CASS4: variants seen among roughly 807,000 people sequenced by gnomAD.
CASS4 encodes the protein Cas scaffold protein family member 4, also known as cas scaffolding protein family member 4.
In CASS4, 22 loss-of-function variants were observed where a neutral mutation model predicts 54.2. The observed-to-expected ratio is 0.41, with a 90% confidence interval of 0.29 to 0.58. The LOEUF (loss-of-function observed/expected upper bound fraction) is 0.58, where lower values mean the gene tolerates loss of function less well. CASS4 is among the 20% of genes least tolerant of loss of function. The pLI is 0.36. For synonymous variants in CASS4, 409 were observed against 391.5 expected (o/e 1.04, Z -0.53); for missense variants, 854 against 986.7 (o/e 0.87, Z 1.80).
chr20:56,447,122 C>A (rs1980753899), intron 3 of CASS4, among the ~76,000 whole-genome samples: 1 of 151,108 alleles, frequency 6.6e-6, no homozygotes, highest in East Asian at 1.9e-4. Flanking sequence ...GTGGGAGAAT[C>A]ACTTGAACCT....
In CASS4 at chr20:56,452,356, G is replaced by A; in HGVS notation, c.1180G>A (p.Glu394Lys). 6.2e-7 allele frequency: 1 copy of A among 1,613,972 alleles called. No individual in the cohort carries two copies. The highest frequency in any genetic ancestry group is 8.5e-7 in the Non-Finnish European group (1 of 1,180,048). The change falls in exon 5 of 6, where the codon GAA (glutamate) becomes AAA (lysine). Residue 394 changes from glutamate (E) to lysine (K), a missense_variant. Glu to Lys is a moderately conservative substitution (Grantham distance 56, BLOSUM62 1). Coordinates refer to ENST00000679887, the MANE Select transcript of CASS4 (RefSeq NM_020356.4). The part of the protein sequence containing the change: ...FSRRTTSPSP[E>K]PDRLSGSSSD... ...CAGACGGACAACTTCCCCATCTCCT[G>A]AACCGGACAGATTATCAGGTTCCAG...
intron 1 of CASS4, among the ~76,000 whole-genome samples, chr20:56,424,617 T>A (rs1979553970): frequency 6.6e-6 from 1 of 151,874 alleles, no homozygotes; most frequent in Non-Finnish European, 1.5e-5. Context: ...GGCATGCACC[T>A]GTAGTCCCAG....
chr20:56,412,745 C>A lies in CASS4; in HGVS notation c.36+251C>A, dbSNP rs1978941367. On this transcript the variant is annotated intron_variant, in intron 1 of 5. Transcript: ENST00000679887. The surrounding 1 kb of genome is among the most constrained non-coding windows in gnomAD (Gnocchi z 4.2). The stretch of plus-strand genomic sequence containing the variant: ...AATCAGCTTACTTGGTTGACAGCGC[C>A]GTCCATCATTTTGCGTCCAGCAAAC... 6.6e-6 allele frequency among the ~76,000 whole-genome samples: 1 copy of A among 152,176 alleles called. No individual in the cohort carries two copies. Among genetic ancestry groups the A allele is most frequent in the Non-Finnish European group, 1.5e-5 (1 of 68,022 alleles).
intron 2 of CASS4, among the ~76,000 whole-genome samples, chr20:56,441,755 AACACCCTT>A (rs1163719387): frequency 2.0e-5 from 3 of 152,168 alleles, no homozygotes; most frequent in African/African-American, 7.2e-5. Context: ...GGGACCTCCC[AACACCCTT>A]TGTGTTTCTC....
intron 1 of CASS4, among the ~76,000 whole-genome samples, chr20:56,436,368 A>ATATG (rs1980165006): frequency 5.5e-5 from 8 of 145,484 alleles, no homozygotes; most frequent in African/African-American, 2.1e-4. Flanking sequence ...GTGTATATAT[A>ATATG]TATATGTATA....
At chr20:56,447,280 A>C (rs1980764437) in intron 3 of CASS4, among the ~76,000 whole-genome samples, 1 of 152,190 alleles carries the variant, frequency 6.6e-6, no homozygotes, top group African/African-American at 2.4e-5. Flanking sequence ...TCAGTTGAGA[A>C]ATTTAATTGT....
At chr20:56,439,487 A>G (rs1980356000) in intron 2 of CASS4, among the ~76,000 whole-genome samples, 1 of 151,812 alleles carries the variant, frequency 6.6e-6, no homozygotes, top group Admixed American at 6.5e-5. Context: ...CCTGGGCAAC[A>G]TAGTGAGACC....
intron 1 of CASS4, among the ~76,000 whole-genome samples, chr20:56,432,134 GGT>G (rs148885958): frequency 0.025 from 3,870 of 152,204 alleles, 165 homozygotes; most frequent in African/African-American, 0.088. Context: ...GGGCTAGGTA[GGT>G]ATAGGCAATT....
intron 2 of CASS4, among the ~76,000 whole-genome samples, chr20:56,442,887 A>G (rs1389583663): frequency 6.6e-6 from 1 of 151,816 alleles, no homozygotes; most frequent in East Asian, 1.9e-4. Flanking sequence ...GTTTTCCAAG[A>G]AGCACTGGGC....
Position 56,452,676 on chromosome 20 carries a change from C to T in CASS4, c.1500C>T (p.Val500=). The change falls in exon 5 of 6, where the codon GTC becomes GTT. Residue 500 remains valine (V), a synonymous_variant. Transcript: ENST00000679887. ...VREFLDFARG[V]HGTACNLTDS... ...AATTTCTGGATTTTGCCCGAGGAGT[C>T]CATGGGACTGCCTGTAACCTCACTG... The T allele has an allele frequency of 1.2e-6, 2 of 1,614,178 alleles. No homozygotes were observed. The highest frequency in any genetic ancestry group is 3.3e-5 in the Admixed American group (2 of 60,018).
chr20:56,447,432 A>G (rs1324604526), intron 3 of CASS4, among the ~76,000 whole-genome samples: 1 of 152,040 alleles, frequency 6.6e-6, no homozygotes, highest in African/African-American at 2.4e-5. Context: ...TTTCTCACTC[A>G]CTGGGTGGTC....
chr20:56,425,392 A>G (rs1979592318), intron 1 of CASS4, among the ~76,000 whole-genome samples: 1 of 152,238 alleles, frequency 6.6e-6, no homozygotes, highest in Admixed American at 6.5e-5. Flanking sequence ...AGGAAGAGGT[A>G]AATGCTCACA....
intron 3 of CASS4, among the ~76,000 whole-genome samples, chr20:56,449,348 C>A (rs1184769912): frequency 6.6e-6 from 1 of 152,090 alleles, no homozygotes; most frequent in Non-Finnish European, 1.5e-5. Flanking sequence ...TCTGCACAAA[C>A]TATTGCAAGG....
At chr20:56,456,427 G>A (rs1383121752) in intron 5 of CASS4, among the ~76,000 whole-genome samples, 1 of 151,412 alleles carries the variant, frequency 6.6e-6, no homozygotes, top group African/African-American at 2.4e-5. Context: ...AGGTGGGAGT[G>A]CAGTGGCGTG....
chr20:56,415,771 G>C (rs1398054417), intron 1 of CASS4, among the ~76,000 whole-genome samples: 3 of 152,216 alleles, frequency 2.0e-5, no homozygotes, highest in Admixed American at 1.3e-4. Context: ...AACAGGGACT[G>C]TTCTCGCAAG....
rs1980953146 is a variant in CASS4, at chr20:56,450,666, A to C, written c.629A>C (p.Asp210Ala). 6 of 1,613,984 alleles carry C rather than the reference A, an allele frequency of 3.7e-6. No homozygotes were observed. The highest frequency in any genetic ancestry group is 1.7e-5 in the Admixed American group (1 of 59,992). ...AAGAAGGCAGGACTCCATCCCCCAG[A>C]CAGCCAAGCAAGTGTAAGTATGAAG... ...SPKKAGLHPP[D>A]SQASGQGVPL... Residue 210 changes from aspartate to alanine, a missense_variant, in exon 4 of 6, where the codon GAC (aspartate) becomes GCC (alanine). By Grantham distance (126) the Asp-to-Ala change is moderately radical. Coordinates refer to ENST00000679887, the MANE Select transcript of CASS4 (RefSeq NM_020356.4).
Position 56,452,676 on chromosome 20 carries a change from C to A in CASS4, c.1500C>A (p.Val500=). The A allele has an allele frequency of 6.2e-7, 1 of 1,614,178 alleles. No individual in the cohort carries two copies. Among genetic ancestry groups the A allele is most frequent in the South Asian group, 1.1e-5 (1 of 91,086 alleles). The change falls in exon 5 of 6, where the codon GTC becomes GTA. Residue 500 remains valine, a synonymous_variant. Coordinates refer to ENST00000679887, the MANE Select transcript of CASS4 (RefSeq NM_020356.4). ...AATTTCTGGATTTTGCCCGAGGAGT[C>A]CATGGGACTGCCTGTAACCTCACTG... ...VREFLDFARG[V]HGTACNLTDS...
chr20:56,431,612 C>G (rs576171541), intron 1 of CASS4, among the ~76,000 whole-genome samples: 1 of 152,308 alleles, frequency 6.6e-6, no homozygotes, highest in African/African-American at 2.4e-5. Context: ...TCATCTTGGA[C>G]AGCTGTGAGT....
chr20:56,457,252 G>C (rs1161614846), intron 5 of CASS4, among the ~76,000 whole-genome samples: 2 of 152,104 alleles, frequency 1.3e-5, no homozygotes, highest in East Asian at 3.8e-4. Context: ...TGAGATAATA[G>C]GTAAATGCGA....
Sources: gnomAD v4.1 joint callset for allele counts (sites outside exome capture counted in the v4.1 genomes callset) on GRCh38, gnomAD v4.1.1 for gene constraint, Gnocchi (gnomAD v3.1) non-coding constraint, MANE v1.5 for transcripts, NCBI Gene and HGNC (gene_info 2026-07-23, HGNC 2026-07-21) for gene names.